The following CNTNAP4 variants were observed in gnomAD, a reference collection of about 807,000 sequenced individuals.
The protein encoded by CNTNAP4 is contactin-associated protein-like 4.
In CNTNAP4, 98 loss-of-function variants were observed where a neutral mutation model predicts 148.4. The observed-to-expected ratio is 0.66, with a 90% confidence interval of 0.56 to 0.78. The LOEUF (loss-of-function observed/expected upper bound fraction) is 0.78. CNTNAP4 is among the 30% of genes least tolerant of loss of function. CNTNAP4 has a pLI of 0.00. For missense variants in CNTNAP4, 1,935 were observed against 1,565.6 expected, an observed-to-expected ratio of 1.24 and a Z score of -3.98; for synonymous variants, 730 against 565.1, an observed-to-expected ratio of 1.29 and a Z score of -4.14.
intron 3 of CNTNAP4, among the ~76,000 whole-genome samples, chr16:76,374,962 T>C (rs959442629): frequency 5.3e-5 from 8 of 150,872 alleles, no homozygotes; most frequent in African/African-American, 1.7e-4. Flanking sequence ...AGAGATGGGG[T>C]TTCACCATGT....
chr16:76,284,763 G>A (rs1029094323), intron 1 of CNTNAP4, among the ~76,000 whole-genome samples: 16 of 151,944 alleles, frequency 1.1e-4, no homozygotes, highest in African/African-American at 2.9e-4. Flanking sequence ...ATGCATGCCT[G>A]TATGTGTATG....
chr16:76,359,790 T>C (rs1361664279), intron 3 of CNTNAP4, among the ~76,000 whole-genome samples: 1 of 152,206 alleles, frequency 6.6e-6, no homozygotes, highest in Non-Finnish European at 1.5e-5. Context: ...ACATCTATAA[T>C]AAAAAGGTTC....
At chr16:76,356,063 C>T (rs1209469414) in intron 3 of CNTNAP4, among the ~76,000 whole-genome samples, 4 of 151,656 alleles carry the variant, frequency 2.6e-5, no homozygotes, top group Admixed American at 1.3e-4. Flanking sequence ...TTAGTAGAGA[C>T]GGGCTTTCAC....
chr16:76,413,062 G>A (rs1597459580), intron 3 of CNTNAP4, among the ~76,000 whole-genome samples: 1 of 151,310 alleles, frequency 6.6e-6, no homozygotes. Context: ...AGCACATCAT[G>A]GATGGGGTTA....
intron 22 of CNTNAP4, 74 bp downstream of exon 22, chr16:76,553,575 C>T: frequency 1.9e-6 from 2 of 1,076,654 alleles, no homozygotes; most frequent in Non-Finnish European, 2.7e-6. Flanking sequence ...TCTCATGTGG[C>T]TTTCAGGCTA....
intron 17 of CNTNAP4, among the ~76,000 whole-genome samples, chr16:76,530,069 T>C (rs543179742): frequency 1.3e-5 from 2 of 152,284 alleles, no homozygotes; most frequent in African/African-American, 4.8e-5. Context: ...TCATAAGAAT[T>C]CTTTATATAT....
chr16:76,546,735 G>A (rs1302653787), intron 21 of CNTNAP4, among the ~76,000 whole-genome samples: 1 of 152,186 alleles, frequency 6.6e-6, no homozygotes, highest in Non-Finnish European at 1.5e-5. Flanking sequence ...GGTCCCTGGT[G>A]CCAAAAAGGT....
At chr16:76,434,196 T>C (rs1347270288) in intron 4 of CNTNAP4, among the ~76,000 whole-genome samples, 7 of 151,302 alleles carry the variant, frequency 4.6e-5, no homozygotes, top group African/African-American at 1.7e-4. Flanking sequence ...TTAAGTATTA[T>C]TAAGTAGTTT....
chr16:76,317,155 G>A (rs1961845947), intron 2 of CNTNAP4, among the ~76,000 whole-genome samples: 1 of 151,302 alleles, frequency 6.6e-6, no homozygotes, highest in Non-Finnish European at 1.5e-5. Context: ...CCCAGCTATG[G>A]CTGAAGCAGG....
chr16:76,367,398 G>T (rs139074712), intron 3 of CNTNAP4, among the ~76,000 whole-genome samples: 3 of 152,162 alleles, frequency 2.0e-5, no homozygotes, highest in African/African-American at 7.2e-5. Context: ...AAACCCAAAT[G>T]CCATAAAGGA....
chr16:76,346,724 G>C (rs1338749092), intron 2 of CNTNAP4, among the ~76,000 whole-genome samples: 1 of 152,130 alleles, frequency 6.6e-6, no homozygotes, highest in Non-Finnish European at 1.5e-5. Context: ...CAAAATTAAG[G>C]CACAGAATTT....
intron 8 of CNTNAP4, among the ~76,000 whole-genome samples, chr16:76,458,209 T>G (rs954794101): frequency 6.6e-6 from 1 of 152,154 alleles, no homozygotes; most frequent in Non-Finnish European, 1.5e-5. Flanking sequence ...GATGGGCACC[T>G]AGGTTGATTC....
At chr16:76,355,806 G>T (rs201926039) in intron 3 of CNTNAP4, among the ~76,000 whole-genome samples, 19,828 of 151,158 alleles carry the variant, frequency 0.13, 2,004 homozygotes, top group East Asian at 0.48. Context: ...TATAAAAAAA[G>T]TTTTGTTCAA....
At chr16:76,420,300 A>T (rs1445285791) in intron 3 of CNTNAP4, among the ~76,000 whole-genome samples, 1 of 69,454 alleles carries the variant, frequency 1.4e-5, no homozygotes, top group East Asian at 4.8e-4. Flanking sequence ...TCCCTTTAAG[A>T]ACAGTTTTTG....
intron 2 of CNTNAP4, among the ~76,000 whole-genome samples, chr16:76,332,312 G>C (rs1230285343): frequency 6.6e-6 from 1 of 152,126 alleles, no homozygotes; most frequent in Non-Finnish European, 1.5e-5. Flanking sequence ...CCAGGCTGGA[G>C]TGCAGTGGTG....
chr16:76,525,159 C>G (rs1191110943), intron 17 of CNTNAP4, among the ~76,000 whole-genome samples: 1 of 151,928 alleles, frequency 6.6e-6, no homozygotes, highest in Non-Finnish European at 1.5e-5. Flanking sequence ...ACATTACTAT[C>G]ACACAAATCA....
intron 3 of CNTNAP4, among the ~76,000 whole-genome samples, chr16:76,370,673 T>G (rs2014705207): frequency 6.6e-6 from 1 of 152,158 alleles, no homozygotes; most frequent in Non-Finnish European, 1.5e-5. Context: ...GAGGACAGCC[T>G]GAAGAAGGTA....
intron 2 of CNTNAP4, among the ~76,000 whole-genome samples, chr16:76,346,596 T>C (rs543092753): frequency 6.6e-6 from 1 of 152,282 alleles, no homozygotes; most frequent in Non-Finnish European, 1.5e-5. Flanking sequence ...TATAATGGGC[T>C]TAGAAAGCAA....
chr16:76,405,040 T>A (rs971839555), intron 3 of CNTNAP4, among the ~76,000 whole-genome samples: 1 of 152,130 alleles, frequency 6.6e-6, no homozygotes, highest in African/African-American at 2.4e-5. Flanking sequence ...AAAAAACTTA[T>A]GACAAATGTA....
Sources: gnomAD v4.1 joint callset for allele counts (sites outside exome capture counted in the v4.1 genomes callset) on GRCh38, gnomAD v4.1.1 for gene constraint, MANE v1.5 for transcripts, NCBI Gene and HGNC (gene_info 2026-07-23, HGNC 2026-07-21) for gene names.